The following KIF1B variants were observed in gnomAD, a reference collection of about 807,000 sequenced individuals.
KIF1B encodes the protein kinesin family member 1B.
Under a neutral mutation model 241.9 loss-of-function variants are expected in KIF1B, and 76 were observed. The ratio of observed to expected loss-of-function variants is 0.31; its 90% CI spans 0.26 to 0.38. The LOEUF (loss-of-function observed/expected upper bound fraction) is 0.38, where lower values mean the gene tolerates loss of function less well. Among genes scored for constraint, KIF1B ranks in the 10% least tolerant of loss-of-function variants. The pLI is 1.00. For missense variants in KIF1B, 1,622 were observed against 2,271.4 expected, an observed-to-expected ratio of 0.71 and a Z score of 5.81; for synonymous variants, 750 against 796.7, an observed-to-expected ratio of 0.94 and a Z score of 0.99.
rs61178349 is a variant in KIF1B at position 10,332,069 on chromosome 1, C to G, written c.2925-2451C>G. ...TTCTCCCTTAACATTTATCTTTTTTCTTTTTTTCTCTTGAGACGAAGTCTT... is the reference window on the plus strand; with the variant it reads ...TTCTCCCTTAACATTTATCTTTTTTGTTTTTTTCTCTTGAGACGAAGTCTT... On this transcript the variant is annotated intron_variant, in intron 27 of 48. Coordinates refer to ENST00000676179, the MANE Select transcript of KIF1B (RefSeq NM_001365951.3). Among the ~76,000 whole-genome samples, 4 of 151,960 alleles carry G rather than the reference C, an allele frequency of 2.6e-5. No homozygotes were observed. In the East Asian group the frequency reaches 7.7e-4, roughly 29 times the overall value.
chr1:10,222,770 C>T (rs901313495), intron 1 of KIF1B, among the ~76,000 whole-genome samples: 2 of 152,198 alleles, frequency 1.3e-5, no homozygotes, highest in Non-Finnish European at 2.9e-5. Context: ...CTCCATTCCA[C>T]TTTCCTAACG....
At chr1:10,343,171 G>A in intron 33 of KIF1B, 61 bp from the exon 34 acceptor site, 3 of 1,552,058 alleles carry the variant, frequency 1.9e-6, no homozygotes, top group East Asian at 2.3e-5. Context: ...AGCACAAAGG[G>A]GAGAATTTCT....
chr1:10,379,503 A>C lies in KIF1B; in HGVS notation c.*2916A>C. The C allele has an allele frequency of 8.6e-6, 2 of 231,746 alleles. No individual in the cohort carries two copies. Among genetic ancestry groups the C allele is most frequent in the Non-Finnish European group, 1.7e-5 (2 of 116,996 alleles). The allele number at this position is 231,746 out of a possible 1,614,324, so 14.4% of individuals were successfully genotyped here. A position where few individuals can be genotyped will look rare whatever the true frequency, so the allele number is the denominator to read the frequency against. On this transcript the variant is annotated 3_prime_UTR_variant, in exon 49 of 49. Coordinates refer to ENST00000676179, the MANE Select transcript of KIF1B (RefSeq NM_001365951.3). Reference sequence around the variant, plus strand: ...GCCCGACAGAACCATCCCCACTGTGAGGCTGTGAGAGATTTGTGGCAGGAA... The same window carrying C: ...GCCCGACAGAACCATCCCCACTGTGCGGCTGTGAGAGATTTGTGGCAGGAA...
At chr1:10,224,005 G>A (rs1646879371) in intron 1 of KIF1B, among the ~76,000 whole-genome samples, 1 of 152,220 alleles carries the variant, frequency 6.6e-6, no homozygotes, top group African/African-American at 2.4e-5. Context: ...GGTTTCACAT[G>A]TTGCCTAGGC....
chr1:10,294,812 G>C (rs1199121443), intron 17 of KIF1B, among the ~76,000 whole-genome samples: 1 of 152,156 alleles, frequency 6.6e-6, no homozygotes, highest in African/African-American at 2.4e-5. Flanking sequence ...AGGTTGCAGT[G>C]AGTCAAAATC....
At chr1:10,333,180 C>A (rs1012823310) in intron 27 of KIF1B, among the ~76,000 whole-genome samples, 1 of 151,050 alleles carries the variant, frequency 6.6e-6, no homozygotes, top group African/African-American at 2.4e-5. Flanking sequence ...AATCCCAGCA[C>A]TTTGGGAGGC....
rs1203602087 is a variant in KIF1B, at chr1:10,275,409, A to G, written c.883-19A>G. 2 of 1,384,422 alleles carry G rather than the reference A, an allele frequency of 1.4e-6. No individual in the cohort carries two copies. The highest frequency in any genetic ancestry group is 2.1e-6 in the Non-Finnish European group (2 of 971,624). The allele number at this position is 1,384,422 out of a possible 1,614,324, so 85.8% of individuals were successfully genotyped here. ...TTCCCTAACGAAAAATGCTAAGACC[A>G]TTTCTTTTCCTTTAATAGAGTAAAA... is the stretch of plus-strand genomic sequence containing the variant. On this transcript the variant is annotated intron_variant, in intron 10 of 48. Coordinates refer to ENST00000676179, the MANE Select transcript of KIF1B (RefSeq NM_001365951.3).
chr1:10,351,089 AAG>A (rs1465481933), intron 37 of KIF1B, among the ~76,000 whole-genome samples: 1 of 151,548 alleles, frequency 6.6e-6, no homozygotes, highest in South Asian at 2.1e-4. Context: ...AAAAAAAAAA[AAG>A]AATCGTTGGA....
Position 10,347,751 on chromosome 1 carries a change from T to A in KIF1B, c.3798-10T>A, listed in dbSNP as rs750942090. On this transcript the variant is annotated splice_polypyrimidine_tract_variant and intron_variant, in intron 35 of 48. Transcript: ENST00000676179. Reference sequence around the variant, plus strand: ...CACTTAGTTTTTTCTTTTGCGTTTCTATTTTTTAGGTATATCCCAGCTGTG... The same window carrying A: ...CACTTAGTTTTTTCTTTTGCGTTTCAATTTTTTAGGTATATCCCAGCTGTG... 6 of 1,612,196 alleles carry A rather than the reference T, an allele frequency of 3.7e-6. No individual in the cohort carries two copies. In the South Asian group the frequency reaches 6.6e-5, roughly 18 times the overall value.
intron 10 of KIF1B, among the ~76,000 whole-genome samples, chr1:10,273,952 T>C (rs1648962594): frequency 6.7e-6 from 1 of 148,284 alleles, no homozygotes; most frequent in Non-Finnish European, 1.5e-5. Flanking sequence ...TTTTTTTTTT[T>C]TGGAGACCAG....
At chr1:10,286,379 C>T (rs1649717010) in intron 15 of KIF1B, among the ~76,000 whole-genome samples, 1 of 152,206 alleles carries the variant, frequency 6.6e-6, no homozygotes, top group South Asian at 2.1e-4. Context: ...GCTGTAGCCA[C>T]AGCTCTCGTG....
chr1:10,212,257 A>G (rs1163562092), intron 1 of KIF1B, among the ~76,000 whole-genome samples: 1 of 152,226 alleles, frequency 6.6e-6, no homozygotes, highest in African/African-American at 2.4e-5. Flanking sequence ...TAGTTTAGTC[A>G]TAACAAAATC....
At chr1:10,278,561 C>T in intron 13 of KIF1B, 1 of 215,272 alleles carries the variant, frequency 4.6e-6, no homozygotes, top group East Asian at 1.3e-4. Flanking sequence ...ACCATTCAAG[C>T]CTACCTTCAG....
chr1:10,231,039 C>A (rs543530112), intron 1 of KIF1B: 1 of 152,092 alleles, frequency 6.6e-6, no homozygotes, highest in African/African-American at 2.4e-5. Context: ...GGTGAAACCC[C>A]GTCTCTACTA....
chr1:10,327,015 GA>G (rs898961879), intron 27 of KIF1B, among the ~76,000 whole-genome samples: 6 of 152,246 alleles, frequency 3.9e-5, no homozygotes, highest in Admixed American at 3.9e-4. Context: ...GGTTTATAAT[GA>G]TAAAGCTCAG....
chr1:10,284,802 C>G (rs1476271834), intron 15 of KIF1B, among the ~76,000 whole-genome samples: 1 of 151,934 alleles, frequency 6.6e-6, no homozygotes, highest in African/African-American at 2.4e-5. Flanking sequence ...GCGGAGGTTA[C>G]AGTGAGCTAA....
At chr1:10,330,486 A>G (rs1047369081) in intron 27 of KIF1B, among the ~76,000 whole-genome samples, 1 of 151,936 alleles carries the variant, frequency 6.6e-6, no homozygotes, top group African/African-American at 2.4e-5. Context: ...CTTTAAAAAA[A>G]AAAAAGGTGG....
intron 1 of KIF1B, among the ~76,000 whole-genome samples, chr1:10,225,628 T>C (rs1044396040): frequency 6.6e-6 from 1 of 152,006 alleles, no homozygotes; most frequent in Admixed American, 6.6e-5. Flanking sequence ...GAAGAATAAA[T>C]TGGAATTTAA....
At chr1:10,234,034 C>T (rs1647016882) in intron 2 of KIF1B, among the ~76,000 whole-genome samples, 1 of 152,106 alleles carries the variant, frequency 6.6e-6, no homozygotes, top group Non-Finnish European at 1.5e-5. Flanking sequence ...CAGCACAATG[C>T]TGAATTCCTA....
Sources: gnomAD v4.1 joint callset for allele counts (sites outside exome capture counted in the v4.1 genomes callset) on GRCh38, gnomAD v4.1.1 for gene constraint, MANE v1.5 for transcripts, NCBI Gene and HGNC (gene_info 2026-07-23, HGNC 2026-07-21) for gene names.